PIP4K2B: variants seen among roughly 807,000 people sequenced by gnomAD.
PIP4K2B encodes the protein phosphatidylinositol-5-phosphate 4-kinase type 2 beta.
In PIP4K2B, 3 loss-of-function variants were observed where a neutral mutation model predicts 42.0. The ratio of observed to expected loss-of-function variants is 0.07; its 90% CI spans 0.03 to 0.18. The LOEUF is 0.18. PIP4K2B is among the 10% of genes least tolerant of loss of function. The probability of loss-of-function intolerance (pLI) is 1.00; values close to 1 mark genes in which losing one functional copy is unlikely to be tolerated. For missense variants in PIP4K2B, 332 were observed against 562.3 expected (o/e 0.59, Z 4.14); for synonymous variants, 204 against 210.1 (o/e 0.97, Z 0.25).
chr17:38,774,618 A>C (rs1167339995), intron 7 of PIP4K2B, among the ~76,000 whole-genome samples: 4 of 151,774 alleles, frequency 2.6e-5, no homozygotes, highest in Non-Finnish European at 4.4e-5. Context: ...AATACAAAAA[A>C]AACTAGCTGG....
chr17:38,782,476 G>A (rs1909768022), intron 3 of PIP4K2B, among the ~76,000 whole-genome samples: 1 of 152,212 alleles, frequency 6.6e-6, no homozygotes, highest in Non-Finnish European at 1.5e-5. Flanking sequence ...ATCTGTCTGA[G>A]CAACTTGGGG....
At chr17:38,774,808 G>A (rs556237374) in intron 7 of PIP4K2B, among the ~76,000 whole-genome samples, 2 of 151,850 alleles carry the variant, frequency 1.3e-5, no homozygotes, top group Non-Finnish European at 2.9e-5. Flanking sequence ...TAAATATCTT[G>A]GTATAAAGAG....
At chr17:38,777,247 T>C (rs780193000) in intron 7 of PIP4K2B, among the ~76,000 whole-genome samples, 20 of 152,100 alleles carry the variant, frequency 1.3e-4, no homozygotes, top group Non-Finnish European at 2.8e-4. Context: ...TAATTTTTAG[T>C]AGAGATGAGG....
At position 38,784,256 on chromosome 17, in the gene PIP4K2B, T is replaced by C; in HGVS notation, c.341A>G (p.Asp114Gly). 1 of 1,608,292 alleles carries C rather than the reference T, an allele frequency of 6.2e-7. No homozygotes were observed. Among genetic ancestry groups the C allele is most frequent in the Non-Finnish European group, 8.5e-7 (1 of 1,174,682 alleles). ...GAGCCTCCATACCTGGTAATCCTGATCATCAATTCCAAACCTCTCCCGAAG... is the reference window on the plus strand; with the variant it reads ...GAGCCTCCATACCTGGTAATCCTGACCATCAATTCCAAACCTCTCCCGAAG... Reference protein sequence around the residue: ...RNLRERFGIDDQDYQNSVTRS... With the variant: ...RNLRERFGIDGQDYQNSVTRS... Residue 114 changes from aspartate to glycine, a missense_variant, in exon 3 of 10, where the codon GAT becomes GGT. This residue lies in a region of PIP4K2B where 186 missense variants were observed against 288.4 expected (regional missense o/e 0.64). Transcript: ENST00000619039.
chr17:38,795,966 T>C (rs1345704613), intron 1 of PIP4K2B, among the ~76,000 whole-genome samples: 1 of 151,586 alleles, frequency 6.6e-6, no homozygotes, highest in African/African-American at 2.4e-5. Flanking sequence ...TGGTGAAACC[T>C]TGTCTCTACT....
intron 3 of PIP4K2B, among the ~76,000 whole-genome samples, chr17:38,782,277 T>G (rs192573096): frequency 1.3e-5 from 2 of 152,182 alleles, no homozygotes; most frequent in Non-Finnish European, 1.5e-5. Context: ...AAGTGGCTGG[T>G]AGTCCAAGAA....
intron 7 of PIP4K2B, among the ~76,000 whole-genome samples, chr17:38,772,496 T>A (rs1489193771): frequency 6.6e-6 from 1 of 152,230 alleles, no homozygotes; most frequent in Non-Finnish European, 1.5e-5. Context: ...AGTGCTTGTA[T>A]TCAAGTAACC....
chr17:38,784,495 C>G (rs1433090605), intron 2 of PIP4K2B, among the ~76,000 whole-genome samples, 156 bp from the exon 3 acceptor site: 1 of 152,124 alleles, frequency 6.6e-6, no homozygotes, highest in Non-Finnish European at 1.5e-5. Flanking sequence ...CTCAGCCTCC[C>G]AAAGTGCTGG....
chr17:38,772,974 T>C (rs931000223), intron 7 of PIP4K2B, among the ~76,000 whole-genome samples: 1 of 152,298 alleles, frequency 6.6e-6, no homozygotes, highest in East Asian at 1.9e-4. Context: ...AAATCTTCTA[T>C]CCGTGAAATT....
At chr17:38,788,202 ATTT>A (rs950994659) in intron 1 of PIP4K2B, among the ~76,000 whole-genome samples, 1 of 150,898 alleles carries the variant, frequency 6.6e-6, no homozygotes, top group African/African-American at 2.4e-5. Context: ...TTATTTATTT[ATTT>A]ATTTATTTAT....
At chr17:38,789,793 G>T (rs1910250058) in intron 1 of PIP4K2B, among the ~76,000 whole-genome samples, 1 of 152,152 alleles carries the variant, frequency 6.6e-6, no homozygotes, top group Non-Finnish European at 1.5e-5. Context: ...GCTGGGGGCA[G>T]GGTAGTTTAT....
In PIP4K2B at chr17:38,799,350, C is replaced by T. The variant is rs1030341815; in HGVS notation, c.75G>A (p.Lys25=). ...TCACTTTCTGGCACACGAAATGCTTCTTCTTGGTCTTGGTCTTGCTGGCGC... is the reference window on the plus strand; with the variant it reads ...TCACTTTCTGGCACACGAAATGCTTTTTCTTGGTCTTGGTCTTGCTGGCGC... The part of the protein sequence containing the change: ...PLSASKTKTK[K]KHFVCQKVKL... The change falls in exon 1 of 10, where the codon AAG becomes AAA. Residue 25 remains lysine (K), a synonymous_variant. Coordinates refer to ENST00000619039, the MANE Select transcript of PIP4K2B (RefSeq NM_003559.5). This position sits in a 1 kb window ranked among gnomAD's most constrained non-coding sequence, Gnocchi z 4.4. 2 of 1,609,574 alleles carry T rather than the reference C, an allele frequency of 1.2e-6. No individual in the cohort carries two copies. Among genetic ancestry groups the T allele is most frequent in the African/African-American group, 1.3e-5 (1 of 74,514 alleles).
intron 5 of PIP4K2B, among the ~76,000 whole-genome samples, chr17:38,778,835 G>C (rs1410872714): frequency 1.3e-5 from 2 of 152,194 alleles, no homozygotes; most frequent in Admixed American, 1.3e-4. Flanking sequence ...TTAGGTGGGG[G>C]AAGGAGTGGG....
chr17:38,778,258 G>A (rs1021530191), intron 6 of PIP4K2B, 76 bp downstream of exon 6: 7 of 1,359,428 alleles, frequency 5.1e-6, no homozygotes, highest in South Asian at 3.5e-5. Flanking sequence ...GCTGGGGTGG[G>A]CGAGGGACAG....
At chr17:38,784,684 A>G (rs1909911105) in intron 2 of PIP4K2B, among the ~76,000 whole-genome samples, 1 of 152,244 alleles carries the variant, frequency 6.6e-6, no homozygotes, top group Non-Finnish European at 1.5e-5. Flanking sequence ...GATTCTGAGC[A>G]TGTAAAAGTT....
chr17:38,773,480 T>C (rs1909157744), intron 7 of PIP4K2B, among the ~76,000 whole-genome samples: 1 of 152,156 alleles, frequency 6.6e-6, no homozygotes, highest in Non-Finnish European at 1.5e-5. Context: ...GTCTTTTATC[T>C]AGGATTTCAA....
intron 1 of PIP4K2B, among the ~76,000 whole-genome samples, chr17:38,791,604 T>TA: frequency 6.7e-6 from 1 of 150,348 alleles, no homozygotes; most frequent in Non-Finnish European, 1.5e-5. Context: ...AGATGGGGTT[T>TA]CTCCATGTTG....
intron 1 of PIP4K2B, among the ~76,000 whole-genome samples, chr17:38,795,187 G>C (rs1165168083): frequency 6.6e-6 from 1 of 150,510 alleles, no homozygotes; most frequent in East Asian, 1.9e-4. Flanking sequence ...TATCTGATAA[G>C]GGACCTGTAT....
chr17:38,787,240 T>C (rs1411458809), intron 1 of PIP4K2B, among the ~76,000 whole-genome samples: 2 of 152,188 alleles, frequency 1.3e-5, no homozygotes, highest in Admixed American at 1.3e-4. Flanking sequence ...CTCACTGTCC[T>C]GAGCTCAAGC....
Sources: allele counts gnomAD v4.1 joint callset (sites outside exome capture counted in the v4.1 genomes callset), GRCh38; gene constraint gnomAD v4.1.1; regional missense constraint gnomAD v4.1.1; non-coding constraint Gnocchi (gnomAD v3.1); transcripts MANE v1.5; gene names NCBI Gene and HGNC (gene_info 2026-07-23, HGNC 2026-07-21).